Variants in AFF2 observed in about 807,000 individuals in gnomAD.
AFF2 encodes the protein ALF transcription elongation factor 2, also known as AF4/FMR2 family member 2.
In AFF2, 14 loss-of-function variants were observed where a neutral mutation model predicts 76.9. The observed-to-expected ratio is 0.18, with a 90% confidence interval of 0.12 to 0.28. AFF2 has a LOEUF of 0.28. Ranked by LOEUF, AFF2 falls within the 10% of genes least tolerant of loss-of-function variation. The pLI is 1.00. For synonymous variants in AFF2, 398 were observed against 366.7 expected (o/e 1.09, Z -0.98); for missense variants, 868 against 1,001.1 (o/e 0.87, Z 1.79).
chrX:148,768,974 T>G lies in AFF2; in HGVS notation c.1042-40902T>G, dbSNP rs370337246. 4.5e-5 allele frequency among the ~76,000 whole-genome samples: 5 copies of G among 112,013 alleles called. No individual in the cohort carries two copies. In the East Asian group the frequency reaches 1.4e-3, roughly 32 times the overall value. On this transcript the variant is annotated intron_variant, in intron 3 of 20. Transcript: ENST00000370460. ...TTTTATTTCAACTTTTCTCATTTAATTCCTTTGAAGTAGATGTTATTCTTT... is the reference window on the plus strand; with the variant it reads ...TTTTATTTCAACTTTTCTCATTTAAGTCCTTTGAAGTAGATGTTATTCTTT...
chrX:148,535,488 C>T (rs374750944), intron 1 of AFF2, among the ~76,000 whole-genome samples: 12 of 112,351 alleles, frequency 1.1e-4, no homozygotes, highest in African/African-American at 3.6e-4. Context: ...CACCTTACTT[C>T]CTGCCAGGGG....
rs72611261 is a variant in AFF2 at position 148,577,150 on chromosome X, T to C, written c.48-74849T>C. Among the ~76,000 whole-genome samples, 29 of 112,286 alleles carry C rather than the reference T, an allele frequency of 2.6e-4. No homozygotes were observed. In the East Asian group the frequency reaches 6.8e-3, roughly 26 times the overall value. ...AAGATTTTCAAGTGTGTTAGACAAT[T>C]GCTATTCATGAAAAAGCCTAGTGTT... On this transcript the variant is annotated intron_variant, in intron 1 of 20. Coordinates refer to ENST00000370460, the MANE Select transcript of AFF2 (RefSeq NM_002025.4).
At chrX:148,770,572 G>C (rs1258578011) in intron 3 of AFF2, among the ~76,000 whole-genome samples, 1 of 111,342 alleles carries the variant, frequency 9.0e-6, no homozygotes, top group Non-Finnish European at 1.9e-5. Context: ...CATAATAAGT[G>C]ATATTGTACA....
At chrX:148,687,217 TA>T (rs2054609434) in intron 3 of AFF2, among the ~76,000 whole-genome samples, 1 of 111,976 alleles carries the variant, frequency 8.9e-6, no homozygotes, top group Non-Finnish European at 1.9e-5. Context: ...TTTCCTTTTT[TA>T]AAAACAACAA....
chrX:148,835,641 T>A (rs1457637177), intron 4 of AFF2, among the ~76,000 whole-genome samples: 4 of 109,369 alleles, frequency 3.7e-5, no homozygotes, highest in African/African-American at 1.3e-4. Flanking sequence ...CGCACCACCA[T>A]GCCCAACTAA....
rs189253796 is a variant in AFF2, at chrX:148,942,554, C to G, written c.1398-11026C>G. 3.6e-5 allele frequency among the ~76,000 whole-genome samples: 4 copies of G among 111,242 alleles called. No homozygotes were observed. The East Asian group carries it at 8.6e-4, about 24-fold the overall frequency. On this transcript the variant is annotated intron_variant, in intron 9 of 20. Coordinates refer to ENST00000370460, the MANE Select transcript of AFF2 (RefSeq NM_002025.4). ...ATTTGCGGCCAGGCACGGTAGCTCACGCCTGTAGTTCCAGTACTTTGGGAG... is the reference window on the plus strand; with the variant it reads ...ATTTGCGGCCAGGCACGGTAGCTCAGGCCTGTAGTTCCAGTACTTTGGGAG...
chrX:148,824,060 C>CCTCTCTCTCTCTCTCTCTCTCTCTCTCT (rs60032031), intron 4 of AFF2, among the ~76,000 whole-genome samples: 2 of 96,656 alleles, frequency 2.1e-5, no homozygotes, highest in African/African-American at 8.0e-5. Flanking sequence ...ATATTTGCTT[C>CCTCTCTCTCTCTCTCTCTCTCTCTCTCT]CTCTCTCTCT....
chrX:148,990,336 C>T (rs1166159895), intron 20 of AFF2, among the ~76,000 whole-genome samples: 2 of 112,116 alleles, frequency 1.8e-5, no homozygotes, highest in Non-Finnish European at 3.8e-5. Flanking sequence ...TCACCCCACC[C>T]CCTGACACGG....
intron 13 of AFF2, among the ~76,000 whole-genome samples, chrX:148,965,674 A>G (rs1337571977): frequency 1.8e-5 from 2 of 112,436 alleles, no homozygotes; most frequent in Admixed American, 9.4e-5. Context: ...GCTAATGGCC[A>G]TGTTGGTAGA....
chrX:148,883,533 A>G (rs1270898573), intron 7 of AFF2, among the ~76,000 whole-genome samples: 1 of 111,636 alleles, frequency 9.0e-6, no homozygotes, highest in East Asian at 2.8e-4. Flanking sequence ...AAGTTACCCC[A>G]GATATCGGGG....
chrX:148,989,694 ACAAC>A (rs1569558068), intron 20 of AFF2, among the ~76,000 whole-genome samples: 7 of 112,499 alleles, frequency 6.2e-5, no homozygotes, highest in African/African-American at 2.3e-4. Flanking sequence ...CTCACTGGAG[ACAAC>A]CACGTATTTG....
intron 12 of AFF2, among the ~76,000 whole-genome samples, chrX:148,960,592 T>A (rs2072098072): frequency 8.9e-6 from 1 of 112,209 alleles, no homozygotes; most frequent in Non-Finnish European, 1.9e-5. Flanking sequence ...CTCTTAGGGG[T>A]CTCCTCCTGG....
rs2072664072 is a variant in AFF2, at chrX:149,000,573, G to A, written c.*9241G>A. 1 of 112,727 alleles carries A rather than the reference G, an allele frequency of 8.9e-6. No homozygotes were observed. The highest frequency in any genetic ancestry group is 1.9e-5 in the Non-Finnish European group (1 of 53,292). 9.3% of individuals were successfully genotyped at this position (112,727 alleles called of 1,213,427 possible). A position where few individuals can be genotyped will look rare whatever the true frequency, so the allele number is the denominator to read the frequency against. On this transcript the variant is annotated 3_prime_UTR_variant, in exon 21 of 21. Transcript: ENST00000370460. ...TGTAAAAATGATATTGGCTGAGCTG[G>A]TGCGTTGGTTTCTCTCATAGAGGCA...
intron 3 of AFF2, among the ~76,000 whole-genome samples, chrX:148,698,043 A>G (rs1446722771): frequency 2.7e-5 from 3 of 112,533 alleles, no homozygotes; most frequent in African/African-American, 9.7e-5. Flanking sequence ...GCAACCATGT[A>G]TAATTGTATT....
rs536950184 is a variant in AFF2 at position 148,969,392 on chromosome X, C to T, written c.3267+1700C>T. ...TTGTATTAAAATTTCATTGGGGGTACGTGAAAAAATACAGTGATCCCTCCG... is the reference window on the plus strand; with the variant it reads ...TTGTATTAAAATTTCATTGGGGGTATGTGAAAAAATACAGTGATCCCTCCG... On this transcript the variant is annotated intron_variant, in intron 15 of 20. Transcript: ENST00000370460. Among the ~76,000 whole-genome samples, 11 of 112,043 alleles carry T rather than the reference C, an allele frequency of 9.8e-5. No homozygotes were observed. The East Asian group carries it at 2.0e-3, about 20-fold the overall frequency.
intron 7 of AFF2, among the ~76,000 whole-genome samples, chrX:148,874,744 C>T (rs2071017204): frequency 9.0e-6 from 1 of 111,545 alleles, no homozygotes; most frequent in Admixed American, 9.6e-5. Flanking sequence ...ATCCTCCTCT[C>T]CGGTTCAGTT....
At chrX:148,776,815 C>T (rs782666068) in intron 3 of AFF2, among the ~76,000 whole-genome samples, 46 of 111,800 alleles carry the variant, frequency 4.1e-4, no homozygotes, top group African/African-American at 1.4e-3. Context: ...TGCCTGTTCA[C>T]TCTGATGATA....
intron 3 of AFF2, among the ~76,000 whole-genome samples, chrX:148,731,252 G>C (rs1557264638): frequency 2.7e-5 from 3 of 111,891 alleles, no homozygotes; most frequent in African/African-American, 9.7e-5. Context: ...CAAAGCACCA[G>C]TCCCAAAGGA....
intron 9 of AFF2, among the ~76,000 whole-genome samples, chrX:148,952,467 C>T (rs1201575532): frequency 9.9e-5 from 11 of 111,514 alleles, no homozygotes; most frequent in African/African-American, 3.3e-4. Flanking sequence ...CACTCCCCTC[C>T]CCATGAGCTA....
Sources: allele counts gnomAD v4.1 joint callset (sites outside exome capture counted in the v4.1 genomes callset), GRCh38; gene constraint gnomAD v4.1.1; transcripts MANE v1.5; gene names NCBI Gene and HGNC (gene_info 2026-07-23, HGNC 2026-07-21).